The following DLGAP1 variants were observed in gnomAD, a reference collection of about 807,000 sequenced individuals.
DLGAP1 encodes the protein DLG associated protein 1.
In DLGAP1, 11 loss-of-function variants were observed where a neutral mutation model predicts 90.8. The ratio of observed to expected loss-of-function variants is 0.12; its 90% CI spans 0.08 to 0.20. The LOEUF is 0.20. Ranked by LOEUF, DLGAP1 falls within the 10% of genes least tolerant of loss-of-function variation. DLGAP1 has a pLI of 1.00. For missense variants in DLGAP1, 1,050 were observed against 1,333.8 expected (o/e 0.79, Z 3.31); for synonymous variants, 558 against 540.7 (o/e 1.03, Z -0.44).
chr18:4,331,301 T>C lies in DLGAP1; in HGVS notation c.-267+123705A>G, dbSNP rs1015185452. On this transcript the variant is annotated intron_variant, in intron 1 of 12. Transcript: ENST00000315677. ...CATTATCGAGCTCTCTATAGGTCAG[T>C]GAATGGGACACAAGACAGCGCTCAG... Among the ~76,000 whole-genome samples, 5 of 151,856 alleles carry C rather than the reference T, an allele frequency of 3.3e-5. No individual in the cohort carries two copies. The East Asian group carries it at 5.8e-4, about 18-fold the overall frequency.
At chr18:3,510,394 T>C (rs1273943007) in intron 10 of DLGAP1, among the ~76,000 whole-genome samples, 1 of 152,234 alleles carries the variant, frequency 6.6e-6, no homozygotes, top group Non-Finnish European at 1.5e-5. Flanking sequence ...CTTCTATGGG[T>C]GTGCCCACTG....
chr18:4,173,023 G>A (rs751416029), intron 1 of DLGAP1, among the ~76,000 whole-genome samples: 1 of 152,136 alleles, frequency 6.6e-6, no homozygotes, highest in South Asian at 2.1e-4. Flanking sequence ...TATGATAGAA[G>A]GTTTTCCACA....
rs544570800 is a variant in DLGAP1 at position 3,573,794 on chromosome 18, T to C, written c.1966-6213A>G. On this transcript the variant is annotated intron_variant, in intron 8 of 12. Transcript: ENST00000315677. ...ATGGCTTACTGCCACTGTGACCTCC[T>C]GGTCTCAAGTGATCCTCCCACCTCA... 1.1e-3 allele frequency among the ~76,000 whole-genome samples: 173 copies of C among 152,272 alleles called. 2 individuals are homozygous for C. The highest frequency in any genetic ancestry group is 1.1e-3 in the Non-Finnish European group (78 of 68,014).
At chr18:3,586,039 AT>A (rs2055863562) in intron 7 of DLGAP1, among the ~76,000 whole-genome samples, 1 of 152,166 alleles carries the variant, frequency 6.6e-6, no homozygotes, top group Non-Finnish European at 1.5e-5. Flanking sequence ...CATCTTCGCT[AT>A]CGATAGGGAT....
chr18:4,301,743 C>T (rs2080131180), intron 1 of DLGAP1, among the ~76,000 whole-genome samples: 1 of 152,130 alleles, frequency 6.6e-6, no homozygotes, highest in South Asian at 2.1e-4. Flanking sequence ...TTTGGTTAGA[C>T]TAATTTACTT....
intron 4 of DLGAP1, among the ~76,000 whole-genome samples, chr18:3,828,142 G>C (rs1438743699): frequency 6.6e-6 from 1 of 152,132 alleles, no homozygotes; most frequent in African/African-American, 2.4e-5. Context: ...AGACCTGCAT[G>C]TCTTTTTAAA....
chr18:3,533,671 C>T (rs973115201), intron 10 of DLGAP1, among the ~76,000 whole-genome samples: 4 of 152,144 alleles, frequency 2.6e-5, no homozygotes, highest in Non-Finnish European at 5.9e-5. Flanking sequence ...AACCCCTGGA[C>T]TCAAGTGATC....
intron 7 of DLGAP1, among the ~76,000 whole-genome samples, chr18:3,644,687 A>G (rs1446675477): frequency 6.6e-6 from 1 of 152,208 alleles, no homozygotes; most frequent in East Asian, 1.9e-4. Flanking sequence ...TGCTGGGATT[A>G]CAGGCGTGAG....
intron 7 of DLGAP1, among the ~76,000 whole-genome samples, chr18:3,609,980 C>T (rs1186142983): frequency 6.6e-6 from 1 of 151,490 alleles, no homozygotes; most frequent in African/African-American, 2.4e-5. Flanking sequence ...ATTGCTTGAA[C>T]CTGGGAGGCG....
At position 3,582,188 on chromosome 18, in the gene DLGAP1, G is replaced by C. The variant is rs367600165; in HGVS notation, c.1652C>G (p.Thr551Arg). The C allele has an allele frequency of 1.2e-6, 2 of 1,614,014 alleles. No individual in the cohort carries two copies. Among genetic ancestry groups the C allele is most frequent in the African/African-American group, 1.3e-5 (1 of 74,896 alleles). Residue 551 changes from threonine (T) to arginine (R), a missense_variant, in exon 8 of 13, where the codon ACG becomes AGG. Transcript: ENST00000315677. ...GGCTGTGATAGAAATGAAAGGTTTC[G>C]TGGTAGTTCTGGGTGGGACTGGAGG... is the stretch of plus-strand genomic sequence containing the variant. ...TPPPVPPRTT[T>R]KPFISITAQS... is the part of the protein sequence containing the mutation.
intron 1 of DLGAP1, chr18:4,295,031 C>T (rs573963612): frequency 7.9e-5 from 12 of 152,346 alleles, no homozygotes; most frequent in South Asian, 2.1e-4. Context: ...GCCTGGGGTT[C>T]GGAGTTTATA....
intron 4 of DLGAP1, among the ~76,000 whole-genome samples, chr18:3,825,621 A>T (rs2067669251): frequency 6.6e-6 from 1 of 152,164 alleles, no homozygotes; most frequent in African/African-American, 2.4e-5. Context: ...AAATCCACAG[A>T]TGCAGAACTG....
chr18:4,229,534 T>C (rs1190481077), intron 1 of DLGAP1, among the ~76,000 whole-genome samples: 1 of 151,888 alleles, frequency 6.6e-6, no homozygotes, highest in African/African-American at 2.4e-5. Context: ...ACATCGACAG[T>C]GAACTCATTA....
intron 2 of DLGAP1, among the ~76,000 whole-genome samples, chr18:4,022,495 GC>G (rs1468748933): frequency 2.0e-5 from 3 of 151,780 alleles, no homozygotes; most frequent in Non-Finnish European, 4.4e-5. Flanking sequence ...TGATACTGTG[GC>G]ATAAGTATCT....
chr18:3,559,727 A>T (rs894479064), intron 9 of DLGAP1, among the ~76,000 whole-genome samples: 1 of 148,316 alleles, frequency 6.7e-6, no homozygotes, highest in Admixed American at 6.9e-5. Flanking sequence ...GGTTCAAGTG[A>T]TTCTTCTCCC....
At chr18:4,289,513 T>C (rs1334035176) in intron 1 of DLGAP1, among the ~76,000 whole-genome samples, 1 of 152,180 alleles carries the variant, frequency 6.6e-6, no homozygotes, top group African/African-American at 2.4e-5. Flanking sequence ...TCTTCCAACA[T>C]CCATGTGAAT....
At chr18:3,652,034 C>G (rs372402944) in intron 7 of DLGAP1, among the ~76,000 whole-genome samples, 13 of 146,508 alleles carry the variant, frequency 8.9e-5, no homozygotes, top group Non-Finnish European at 1.8e-4. Context: ...CGTGGTGGCG[C>G]GCGCCTGTAG....
At chr18:3,707,585 G>A in intron 7 of DLGAP1, among the ~76,000 whole-genome samples, 1 of 150,610 alleles carries the variant, frequency 6.6e-6, no homozygotes, top group East Asian at 2.0e-4. Flanking sequence ...GGGTGACAGA[G>A]TGAGTGAGAC....
intron 7 of DLGAP1, among the ~76,000 whole-genome samples, chr18:3,710,943 A>G (rs2061579535): frequency 6.6e-6 from 1 of 152,214 alleles, no homozygotes; most frequent in Non-Finnish European, 1.5e-5. Context: ...TGAGTGTCTA[A>G]TAAGTAACAG....
Sources: allele counts gnomAD v4.1 joint callset (sites outside exome capture counted in the v4.1 genomes callset), GRCh38; gene constraint gnomAD v4.1.1; transcripts MANE v1.5; gene names NCBI Gene and HGNC (gene_info 2026-07-23, HGNC 2026-07-21).